Variants in TXN observed in about 807,000 individuals in gnomAD.
TXN encodes ADF.
TXN carries 10 observed loss-of-function variants against 16.5 expected under a neutral mutation model. The observed-to-expected ratio is 0.61, with a 90% confidence interval of 0.37 to 1.03. TXN has a LOEUF of 1.03. TXN is among the 50% of genes least tolerant of loss of function. The probability of loss-of-function intolerance (pLI) is 0.01; values close to 1 mark genes in which losing one functional copy is unlikely to be tolerated. For missense variants in TXN, 71 were observed against 122.5 expected, an observed-to-expected ratio of 0.58 and a Z score of 1.98; for synonymous variants, 35 against 39.4, an observed-to-expected ratio of 0.89 and a Z score of 0.42.
chr9:110,247,409 C>T lies in TXN; in HGVS notation c.190-2566G>A, dbSNP rs1285061532. ...AGGAGCTCTGTCATACGGAAGTCCT[C>T]GAGTGCTTTGCACACCTATAGTAAT... is the stretch of plus-strand genomic sequence containing the variant. On this transcript the variant is annotated intron_variant, in intron 3 of 4. Coordinates refer to ENST00000374517, the MANE Select transcript of TXN (RefSeq NM_003329.4). 2.0e-5 allele frequency among the ~76,000 whole-genome samples: 3 copies of T among 151,862 alleles called. 1 individual carries two copies. Among genetic ancestry groups the T allele is most frequent in the South Asian group, 4.2e-4 (2 of 4,806 alleles).
chr9:110,248,268 AC>A (rs1837682520), intron 3 of TXN, among the ~76,000 whole-genome samples: 1 of 152,168 alleles, frequency 6.6e-6, no homozygotes. Context: ...ACATTCACTC[AC>A]CACCCACTCA....
chr9:110,249,125 C>CAAAAAAAAAAAAAAAAAA (rs71302631), intron 3 of TXN, among the ~76,000 whole-genome samples: 1 of 53,818 alleles, frequency 1.9e-5, no homozygotes, highest in African/African-American at 6.9e-5. Context: ...AACTCCATCT[C>CAAAAAAAAAAAAAAAAAA]AAAAAAAAAA....
intron 3 of TXN, among the ~76,000 whole-genome samples, chr9:110,245,654 A>ATTTTTTTTTT (rs1228829953): frequency 1.8e-4 from 4 of 21,784 alleles, no homozygotes; most frequent in Admixed American, 7.9e-4. Flanking sequence ...ATATATATAT[A>ATTTTTTTTTT]TTTTTTTTTT....
chr9:110,246,974 A>G (rs936823103), intron 3 of TXN, among the ~76,000 whole-genome samples: 2 of 152,138 alleles, frequency 1.3e-5, no homozygotes, highest in African/African-American at 4.8e-5. Flanking sequence ...CTATCAATCT[A>G]TGGAGGCAAA....
At position 110,252,223 on chromosome 9, in the gene TXN, C is replaced by CAAAAAAAAAAAAAAAAA. The variant is rs377246017; in HGVS notation, c.25-778_25-762dup. Among the ~76,000 whole-genome samples, 73 of 58,374 alleles carry CAAAAAAAAAAAAAAAAA rather than the reference C, an allele frequency of 1.3e-3. 10 individuals are homozygous for CAAAAAAAAAAAAAAAAA. Among genetic ancestry groups the CAAAAAAAAAAAAAAAAA allele is most frequent in the African/African-American group, 6.2e-3 (67 of 10,872 alleles). The allele number at this position is 58,374 out of a possible 152,430, so 38.3% of individuals were successfully genotyped here. On this transcript the variant is annotated intron_variant, in intron 1 of 4. Transcript: ENST00000374517. ...TGGGCAATAGACGGAGACTCTGTCG[C>CAAAAAAAAAAAAAAAAA]AAAAAAAAAAAAAAAAAAAAAAGCT...
intron 3 of TXN, 105 bp from the exon 4 acceptor site, chr9:110,244,948 C>G (rs1418620105): frequency 1.3e-6 from 1 of 758,722 alleles, no homozygotes; most frequent in African/African-American, 1.7e-5. Context: ...TCATGTACCC[C>G]ACATTTCCGC....
At chr9:110,247,462 A>G (rs980724294) in intron 3 of TXN, among the ~76,000 whole-genome samples, 2 of 152,186 alleles carry the variant, frequency 1.3e-5, no homozygotes, top group African/African-American at 2.4e-5. Flanking sequence ...GATCGACAAC[A>G]GATTGCATAT....
At chr9:110,250,406 T>C (rs1384396789) in intron 3 of TXN, among the ~76,000 whole-genome samples, 1 of 152,248 alleles carries the variant, frequency 6.6e-6, no homozygotes, top group East Asian at 1.9e-4. Context: ...AAGACTAGAA[T>C]AGGCTTGCAA....
chr9:110,248,331 A>T (rs1837683140), intron 3 of TXN, among the ~76,000 whole-genome samples: 1 of 152,202 alleles, frequency 6.6e-6, no homozygotes, highest in Non-Finnish European at 1.5e-5. Context: ...TATGGCAAGT[A>T]CCTTATAAAG....
At position 110,251,529 on chromosome 9, in the gene TXN, G is replaced by A. The variant is rs1381429357; in HGVS notation, c.25-67C>T. The A allele has an allele frequency of 4.5e-5, 26 of 581,570 alleles. No homozygotes were observed. The Admixed American group carries it at 7.0e-4, about 16-fold the overall frequency. The allele number at this position is 581,570 out of a possible 1,614,324, so 36.0% of individuals were successfully genotyped here. On this transcript the variant is annotated intron_variant, in intron 1 of 4. Coordinates refer to ENST00000374517, the MANE Select transcript of TXN (RefSeq NM_003329.4). ...TATTAAACCTTCAAAAGAAAGACTC[G>A]ACACAATGACACAAAGCACATTCTG... is the stretch of plus-strand genomic sequence containing the variant.
At chr9:110,249,292 C>A in intron 3 of TXN, among the ~76,000 whole-genome samples, 3 of 133,378 alleles carry the variant, frequency 2.2e-5, no homozygotes, top group Non-Finnish European at 1.6e-5. Flanking sequence ...CACAAAAATG[C>A]AATTACACTC....
At chr9:110,249,305 T>C (rs1443648258) in intron 3 of TXN, among the ~76,000 whole-genome samples, 1 of 116,688 alleles carries the variant, frequency 8.6e-6, no homozygotes, top group African/African-American at 3.5e-5. Context: ...TTACACTCTT[T>C]TTAAAAAAAA....
chr9:110,253,055 A>T (rs4135184), intron 1 of TXN, among the ~76,000 whole-genome samples: 1,638 of 151,594 alleles, frequency 0.011, 32 homozygotes, highest in African/African-American at 0.037. Flanking sequence ...AAATAGGTTT[A>T]AAAAAAAATG....
intron 1 of TXN, among the ~76,000 whole-genome samples, chr9:110,254,364 T>C (rs925710357): frequency 6.6e-6 from 1 of 152,136 alleles, no homozygotes; most frequent in Non-Finnish European, 1.5e-5. Context: ...CTACTAAAAA[T>C]ACAAAATTAC....
Position 110,244,696 on chromosome 9 carries a change from G to C in TXN, c.255+82C>G. 6.5e-6 allele frequency: 8 copies of C among 1,240,186 alleles called. No homozygotes were observed. The South Asian group carries it at 1.0e-4, about 16-fold the overall frequency. 76.8% of individuals were successfully genotyped at this position (1,240,186 alleles called of 1,614,324 possible). On this transcript the variant is annotated intron_variant, in intron 4 of 4. Coordinates refer to ENST00000374517, the MANE Select transcript of TXN (RefSeq NM_003329.4). ...TTGGTGATATGCCTCAATCTTTAAAGGGAACATCACTCCAGTGATTTATTC... is the reference window on the plus strand; with the variant it reads ...TTGGTGATATGCCTCAATCTTTAAACGGAACATCACTCCAGTGATTTATTC...
chr9:110,250,733 C>G, intron 3 of TXN, 87 bp downstream of exon 3: 1 of 1,041,046 alleles, frequency 9.6e-7, no homozygotes, highest in Admixed American at 2.3e-5. Flanking sequence ...AATTATTTGA[C>G]ATATTTATGG....
At chr9:110,245,654 A>ATATATATT (rs1232332404) in intron 3 of TXN, among the ~76,000 whole-genome samples, 7 of 21,782 alleles carry the variant, frequency 3.2e-4, no homozygotes, top group Admixed American at 7.9e-4. Flanking sequence ...ATATATATAT[A>ATATATATT]TTTTTTTTTT....
chr9:110,244,520 C>T (rs565596694), intron 4 of TXN, among the ~76,000 whole-genome samples: 1 of 152,112 alleles, frequency 6.6e-6, no homozygotes, highest in South Asian at 2.1e-4. Context: ...CAATACTTAA[C>T]AACAAATGAA....
intron 3 of TXN, among the ~76,000 whole-genome samples, chr9:110,246,976 G>T (rs1837667638): frequency 6.6e-6 from 1 of 152,076 alleles, no homozygotes; most frequent in Non-Finnish European, 1.5e-5. Flanking sequence ...ATCAATCTAT[G>T]GAGGCAAAGT....
Sources: allele counts gnomAD v4.1 joint callset (sites outside exome capture counted in the v4.1 genomes callset), GRCh38; gene constraint gnomAD v4.1.1; transcripts MANE v1.5; gene names NCBI Gene and HGNC (gene_info 2026-07-23, HGNC 2026-07-21).